GATA3: variants seen among roughly 807,000 people sequenced by gnomAD.
GATA3 encodes trans-acting T-cell-specific transcription factor GATA-3.
In GATA3, 6 loss-of-function variants were observed where a neutral mutation model predicts 36.0. The observed-to-expected ratio is 0.17, with a 90% CI of 0.09 to 0.33. The LOEUF is 0.33. GATA3 is among the 10% of genes least tolerant of loss of function. GATA3 has a pLI of 1.00. For synonymous variants in GATA3, 326 were observed against 273.0 expected, an observed-to-expected ratio of 1.19 and a Z score of -1.92; for missense variants, 514 against 610.1, an observed-to-expected ratio of 0.84 and a Z score of 1.66.
chr10:8,068,545 A>C (rs548506605), intron 4 of GATA3, among the ~76,000 whole-genome samples: 1 of 152,314 alleles, frequency 6.6e-6, no homozygotes, highest in South Asian at 2.1e-4. Flanking sequence ...TGAGGTCAGG[A>C]GTTCAAGACC....
In GATA3 at chr10:8,058,940, G is replaced by T. The variant is rs74123876; in HGVS notation, c.778+99G>T. On this transcript the variant is annotated intron_variant, in intron 3 of 5. Transcript: ENST00000379328. ...AGGGACCCCTCAGGGGAGCCGGGGTGTCCCAAAGCCTGCTGAGATGCCATT... is the reference window on the plus strand; with the variant it reads ...AGGGACCCCTCAGGGGAGCCGGGGTTTCCCAAAGCCTGCTGAGATGCCATT... 7.7e-5 allele frequency: 87 copies of T among 1,135,618 alleles called. No homozygotes were observed. In the African/African-American group the frequency reaches 1.2e-3, roughly 15 times the overall value. 70.3% of individuals were successfully genotyped at this position (1,135,618 alleles called of 1,614,324 possible).
intron 1 of GATA3, among the ~76,000 whole-genome samples, chr10:8,046,844 G>A (rs1485243664): frequency 1.3e-5 from 2 of 152,088 alleles, no homozygotes; most frequent in African/African-American, 4.8e-5. Flanking sequence ...CTTTCGGTGG[G>A]ATCAAGCAGG....
intron 2 of GATA3, among the ~76,000 whole-genome samples, chr10:8,057,281 T>C (rs978079063): frequency 6.6e-6 from 1 of 152,248 alleles, no homozygotes; most frequent in African/African-American, 2.4e-5. Context: ...AGGCAGGTAC[T>C]GGCTTTAAAG....
chr10:8,068,503 G>T (rs1422109177), intron 4 of GATA3, among the ~76,000 whole-genome samples: 1 of 152,206 alleles, frequency 6.6e-6, no homozygotes, highest in Non-Finnish European at 1.5e-5. Context: ...TGTAATACCG[G>T]CACTTTGGGA....
chr10:8,049,888 C>T (rs1413469650), upstream of GATA3, among the ~76,000 whole-genome samples: 1 of 152,188 alleles, frequency 6.6e-6, no homozygotes, highest in Non-Finnish European at 1.5e-5. Flanking sequence ...AGGAAGGAGG[C>T]CAGTTTTCAC....
intron 4 of GATA3, among the ~76,000 whole-genome samples, chr10:8,067,491 C>A (rs554504184): frequency 2.7e-4 from 41 of 152,290 alleles, no homozygotes; most frequent in African/African-American, 9.9e-4. Flanking sequence ...TTGGCTTCAA[C>A]TTTTTGCTTG....
At chr10:8,048,024 C>A (rs989950890) in intron 1 of GATA3, among the ~76,000 whole-genome samples, 11 of 152,204 alleles carry the variant, frequency 7.2e-5, no homozygotes, top group Admixed American at 7.2e-4. Context: ...CCCCCTCCCC[C>A]TCTTTTCCTA....
chr10:8,047,781 G>A (rs1832409917), intron 1 of GATA3, among the ~76,000 whole-genome samples: 1 of 152,192 alleles, frequency 6.6e-6, no homozygotes, highest in East Asian at 1.9e-4. Context: ...GAGGTGGAAG[G>A]CAGCCTAGAG....
upstream of GATA3, chr10:8,052,156 C>G (rs1355153718): frequency 1.3e-5 from 2 of 152,236 alleles, no homozygotes; most frequent in Non-Finnish European, 2.9e-5. Context: ...GCTAAATACC[C>G]CCTACCGGCT....
Position 8,058,389 on chromosome 10 carries a change from C to T in GATA3, c.326C>T (p.Ala109Val), listed in dbSNP as rs1176758734. The T allele has an allele frequency of 6.2e-7, 1 of 1,612,752 alleles. No homozygotes were observed. Among genetic ancestry groups the T allele is most frequent in the African/African-American group, 1.3e-5 (1 of 74,910 alleles). ...GGKALGSHHT[A>V]SPWNLSPFSK... ...AAAGCCCTGGGCAGCCACCACACCG[C>T]CTCCCCCTGGAATCTCAGCCCCTTC... is the stretch of plus-strand genomic sequence containing the variant. Residue 109 changes from alanine to valine, a missense_variant, in exon 3 of 6, where the codon GCC becomes GTC. This residue lies in a region of GATA3 where 381 missense variants were observed against 354.3 expected (regional missense o/e 1.08). Coordinates refer to ENST00000379328, the MANE Select transcript of GATA3 (RefSeq NM_001002295.2).
rs1832978515 is a variant in GATA3, at chr10:8,074,178, C to T, written c.*155C>T. ...TTATGTTTGCCACTTTGCAAAGGAG[C>T]TCACTGTGGTGTCTGTGTTCCAACC... is the stretch of plus-strand genomic sequence containing the variant. On this transcript the variant is annotated 3_prime_UTR_variant, in exon 6 of 6. Coordinates refer to ENST00000379328, the MANE Select transcript of GATA3 (RefSeq NM_001002295.2). 1.2e-6 allele frequency: 1 copy of T among 802,940 alleles called. No homozygotes were observed. The highest frequency in any genetic ancestry group is 1.7e-5 in the African/African-American group (1 of 57,766). 49.7% of individuals were successfully genotyped at this position (802,940 alleles called of 1,614,324 possible). A position where few individuals can be genotyped will look rare whatever the true frequency, so the allele number is the denominator to read the frequency against.
chr10:8,065,612 A>G (rs1048143090), intron 4 of GATA3, among the ~76,000 whole-genome samples: 5 of 151,102 alleles, frequency 3.3e-5, no homozygotes, highest in African/African-American at 4.9e-5. Context: ...ATCTTTGACA[A>G]TCCTGGATAT....
At chr10:8,056,956 T>C (rs1042892852) in intron 2 of GATA3, among the ~76,000 whole-genome samples, 4 of 152,224 alleles carry the variant, frequency 2.6e-5, no homozygotes, top group Admixed American at 1.3e-4. Context: ...ATTCCCCTAC[T>C]CAGAGCCTGC....
chr10:8,055,586 A>T lies in GATA3; in HGVS notation c.-70A>T. On this transcript the variant is annotated 5_prime_UTR_variant, in exon 2 of 6. Coordinates refer to ENST00000379328, the MANE Select transcript of GATA3 (RefSeq NM_001002295.2). This position sits in a 1 kb window ranked among gnomAD's most constrained non-coding sequence, Gnocchi z 5.4. ...GACGGCAGGAGCCCCCCGACCTCCC[A>T]GGCGGACCGCCCTCCCTCCCCGCGC... 2.1e-6 allele frequency: 3 copies of T among 1,417,532 alleles called. No homozygotes were observed. 87.8% of individuals were successfully genotyped at this position (1,417,532 alleles called of 1,614,324 possible). A position where few individuals can be genotyped will look rare whatever the true frequency, so the allele number is the denominator to read the frequency against.
intron 4 of GATA3, 65 bp downstream of exon 4, chr10:8,064,203 G>A (rs1449006775): frequency 1.1e-5 from 17 of 1,600,752 alleles, no homozygotes; most frequent in Middle Eastern, 1.7e-4. Context: ...CCTCTCTTCC[G>A]GAAGGACAGC....
At chr10:8,072,972 C>T (rs1832954254) in intron 5 of GATA3, among the ~76,000 whole-genome samples, 1 of 151,852 alleles carries the variant, frequency 6.6e-6, no homozygotes, top group Non-Finnish European at 1.5e-5. Flanking sequence ...TGGTGAAACC[C>T]CGTCTCTACT....
chr10:8,067,432 G>T (rs1310739351), intron 4 of GATA3, among the ~76,000 whole-genome samples: 1 of 152,174 alleles, frequency 6.6e-6, no homozygotes, highest in Non-Finnish European at 1.5e-5. Context: ...GGTCACTCAG[G>T]TTAATTCAAA....
chr10:8,055,536 A>C lies in GATA3; in HGVS notation c.-120A>C. 8.8e-7 allele frequency: 1 copy of C among 1,130,172 alleles called. No homozygotes were observed. The highest frequency in any genetic ancestry group is 1.2e-6 in the Non-Finnish European group (1 of 807,052). 70.0% of individuals were successfully genotyped at this position (1,130,172 alleles called of 1,614,324 possible). ...CTTCCCATCCCCCCACCGAAAGCAA[A>C]TCATTCAACGACCCCCGACCCTCCG... On this transcript the variant is annotated 5_prime_UTR_variant, in exon 2 of 6. Coordinates refer to ENST00000379328, the MANE Select transcript of GATA3 (RefSeq NM_001002295.2). This position sits in a 1 kb window ranked among gnomAD's most constrained non-coding sequence, Gnocchi z 5.4.
intron 2 of GATA3, 117 bp downstream of exon 2, chr10:8,056,013 C>T (rs745372557): frequency 9.0e-5 from 124 of 1,377,562 alleles, no homozygotes; most frequent in Middle Eastern, 2.4e-4. Flanking sequence ...ATCTGCCGTT[C>T]CTGGTTCATT....
Sources: gnomAD v4.1 joint callset for allele counts (sites outside exome capture counted in the v4.1 genomes callset) on GRCh38, gnomAD v4.1.1 for gene constraint, gnomAD v4.1.1 regional missense constraint, Gnocchi (gnomAD v3.1) non-coding constraint, MANE v1.5 for transcripts, NCBI Gene and HGNC (gene_info 2026-07-23, HGNC 2026-07-21) for gene names.